KMT2C: variants seen among roughly 807,000 people sequenced by gnomAD.
KMT2C encodes the protein histone-lysine N-methyltransferase 2C.
In KMT2C, 88 loss-of-function variants were observed where a neutral mutation model predicts 507.9. The ratio of observed to expected loss-of-function variants is 0.17; its 90% CI spans 0.15 to 0.21. The LOEUF (loss-of-function observed/expected upper bound fraction) is 0.21, where lower values mean the gene tolerates loss of function less well. KMT2C is among the 10% of genes least tolerant of loss of function. The probability of loss-of-function intolerance (pLI) is 1.00; values close to 1 mark genes in which losing one functional copy is unlikely to be tolerated. For synonymous variants in KMT2C, 2,049 were observed against 2,080.8 expected, an observed-to-expected ratio of 0.98 and a Z score of 0.42; for missense variants, 4,954 against 5,957.8, an observed-to-expected ratio of 0.83 and a Z score of 5.55.
At position 152,148,126 on chromosome 7, in the gene KMT2C, A is replaced by C. The variant is rs1483070029; in HGVS notation, c.13801T>G (p.Ser4601Ala). Residue 4601 changes from serine to alanine, a missense_variant, in exon 52 of 59, where the codon TCC (serine) becomes GCC (alanine). Ser to Ala is a moderately conservative substitution (Grantham distance 99). Transcript: ENST00000262189. This position sits in a 1 kb window ranked among gnomAD's most constrained non-coding sequence, Gnocchi z 7.1. ...YANRRCRYLC[S>A]IEEKDGRPVF... ...GGGCGCCCATCCTTCTCCTCAATGGAGCACAGGTAGCGGCAGCGCCTATTG... is the reference window on the plus strand; with the variant it reads ...GGGCGCCCATCCTTCTCCTCAATGGCGCACAGGTAGCGGCAGCGCCTATTG... 1 of 1,613,548 alleles carries C rather than the reference A, an allele frequency of 6.2e-7. No individual in the cohort carries two copies. Among genetic ancestry groups the C allele is most frequent in the Non-Finnish European group, 8.5e-7 (1 of 1,179,584 alleles).
chr7:152,435,249 G>T lies in KMT2C; in HGVS notation c.161+377C>A, dbSNP rs528908524. ...CGGCTCGGCGGTTCGCCCGGAGTCC[G>T]TCCGGGGACTACCTGGGCGCGCTCC... On this transcript the variant is annotated intron_variant, in intron 1 of 58. Transcript: ENST00000262189. Among the ~76,000 whole-genome samples the T allele has an allele frequency of 7.2e-5, 11 of 152,112 alleles. No individual in the cohort carries two copies. The South Asian group carries it at 2.3e-3, about 32-fold the overall frequency.
intron 1 of KMT2C, among the ~76,000 whole-genome samples, chr7:152,383,419 T>A (rs1200746877): frequency 6.6e-6 from 1 of 152,182 alleles, no homozygotes; most frequent in East Asian, 1.9e-4. Context: ...GTATTTATCA[T>A]CAACTATGTT....
chr7:152,169,898 A>G (rs924153093), intron 40 of KMT2C, among the ~76,000 whole-genome samples: 1 of 152,204 alleles, frequency 6.6e-6, no homozygotes, highest in Non-Finnish European at 1.5e-5. Context: ...TTTTCAAGTT[A>G]AAAGTCTTAT....
chr7:152,390,227 T>A (rs566765031), intron 1 of KMT2C, among the ~76,000 whole-genome samples: 22 of 8,814 alleles, frequency 2.5e-3, no homozygotes, highest in South Asian at 0.023. Flanking sequence ...AATTTTTTTT[T>A]AAATTGTAAA....
intron 1 of KMT2C, among the ~76,000 whole-genome samples, chr7:152,433,559 G>A (rs922906200): frequency 2.0e-5 from 3 of 152,180 alleles, no homozygotes; most frequent in Non-Finnish European, 4.4e-5. Context: ...AAATTTACCA[G>A]TAGACTTTAA....
chr7:152,243,404 A>G (rs1563550274), intron 14 of KMT2C, among the ~76,000 whole-genome samples: 1 of 152,232 alleles, frequency 6.6e-6, no homozygotes, highest in Non-Finnish European at 1.5e-5. Flanking sequence ...TACTCTTCTT[A>G]TAATATAAAG....
In KMT2C at chr7:152,350,258, AT is replaced by A. The variant is rs566521932; in HGVS notation, c.250+8328del. Among the ~76,000 whole-genome samples, 373 of 152,344 alleles carry A rather than the reference AT, an allele frequency of 2.4e-3. 4 individuals carry two copies. Among genetic ancestry groups the A allele is most frequent in the African/African-American group, 8.2e-3 (339 of 41,564 alleles). On this transcript the variant is annotated intron_variant, in intron 2 of 58. Coordinates refer to ENST00000262189, the MANE Select transcript of KMT2C (RefSeq NM_170606.3). The stretch of plus-strand genomic sequence containing the variant: ...AGAGTGAAACTCTGTCTCAAAAAAA[AT>A]AAATAAATAAAATAAAGTCTATTTT...
At chr7:152,168,241 G>A (rs1209495296) in intron 41 of KMT2C, among the ~76,000 whole-genome samples, 1 of 151,882 alleles carries the variant, frequency 6.6e-6, no homozygotes, top group South Asian at 2.1e-4. Flanking sequence ...TTTCTAAGAA[G>A]GACATTCGCT....
intron 3 of KMT2C, among the ~76,000 whole-genome samples, chr7:152,324,378 T>G (rs942597749): frequency 2.0e-5 from 3 of 151,758 alleles, no homozygotes; most frequent in Admixed American, 1.3e-4. Flanking sequence ...TTTACTTGAT[T>G]CAATCATTCC....
intron 6 of KMT2C, among the ~76,000 whole-genome samples, chr7:152,304,504 A>G (rs1308355756): frequency 6.6e-6 from 1 of 152,234 alleles, no homozygotes; most frequent in African/African-American, 2.4e-5. Context: ...TGACAATAAA[A>G]TATCAATATA....
At chr7:152,386,463 A>T (rs1377069649) in intron 1 of KMT2C, among the ~76,000 whole-genome samples, 1 of 152,244 alleles carries the variant, frequency 6.6e-6, no homozygotes. Flanking sequence ...TATTTACCAA[A>T]GCGTTTCCTT....
chr7:152,290,922 A>G (rs2096416448), intron 6 of KMT2C, among the ~76,000 whole-genome samples: 1 of 152,048 alleles, frequency 6.6e-6, no homozygotes. Flanking sequence ...TTATCTTTTT[A>G]AAAGCTTATG....
chr7:152,362,872 G>C (rs2129235361), intron 1 of KMT2C, among the ~76,000 whole-genome samples: 1 of 152,144 alleles, frequency 6.6e-6, no homozygotes, highest in Middle Eastern at 3.4e-3. Flanking sequence ...TCTATTCTTG[G>C]TTTTGGCACT....
chr7:152,334,535 T>A (rs1252340639), intron 2 of KMT2C, among the ~76,000 whole-genome samples: 1 of 152,160 alleles, frequency 6.6e-6, no homozygotes, highest in Admixed American at 6.5e-5. Context: ...GTAGGACACA[T>A]AACTGCTCAG....
At chr7:152,247,057 A>G (rs1242363709) in intron 14 of KMT2C, among the ~76,000 whole-genome samples, 1 of 152,190 alleles carries the variant, frequency 6.6e-6, no homozygotes, top group African/African-American at 2.4e-5. Flanking sequence ...ATGAAACTTA[A>G]AACTTAACTT....
chr7:152,290,250 GTGTA>G (rs1273466908), intron 6 of KMT2C, among the ~76,000 whole-genome samples: 41 of 73,528 alleles, frequency 5.6e-4, no homozygotes, highest in African/African-American at 1.5e-3. Flanking sequence ...GTGTGTGTGT[GTGTA>G]TGTGTATATA....
rs755129084 is a variant in KMT2C, at chr7:152,250,973, A to G, written c.1622-7T>C. On this transcript the variant is annotated splice_polypyrimidine_tract_variant and splice_region_variant and intron_variant, in intron 11 of 58. Coordinates refer to ENST00000262189, the MANE Select transcript of KMT2C (RefSeq NM_170606.3). The stretch of plus-strand genomic sequence containing the variant: ...TCCATTTCATTGTTATAATCTTAAC[A>G]AAAAATTATTAATTCTTTAGCTCAG... 3.4e-6 allele frequency: 5 copies of G among 1,457,038 alleles called. No homozygotes were observed. The highest frequency in any genetic ancestry group is 4.8e-6 in the Non-Finnish European group (5 of 1,039,796). 90.3% of individuals were successfully genotyped at this position (1,457,038 alleles called of 1,614,324 possible).
In KMT2C at chr7:152,223,438, G is replaced by C. The variant is rs565293811; in HGVS notation, c.3323+577C>G. ...CTTCATAAGAAACGGCATAGATGAA[G>C]GCAATAATTCTCCATCTAATTTCAA... On this transcript the variant is annotated intron_variant, in intron 20 of 58. Transcript: ENST00000262189. 3.2e-3 allele frequency among the ~76,000 whole-genome samples: 483 copies of C among 152,140 alleles called. 4 individuals carry two copies. Among genetic ancestry groups the C allele is most frequent in the Middle Eastern group, 0.031 (9 of 294 alleles).
chr7:152,168,754 C>G (rs903455557), intron 41 of KMT2C, among the ~76,000 whole-genome samples: 1 of 152,156 alleles, frequency 6.6e-6, no homozygotes, highest in African/African-American at 2.4e-5. Context: ...TTCAGGGGCA[C>G]CTTGCATACC....
Sources: allele counts gnomAD v4.1 joint callset (sites outside exome capture counted in the v4.1 genomes callset), GRCh38; gene constraint gnomAD v4.1.1; non-coding constraint Gnocchi (gnomAD v3.1); transcripts MANE v1.5; gene names NCBI Gene and HGNC (gene_info 2026-07-23, HGNC 2026-07-21).